SPDYA: variants seen among roughly 807,000 people sequenced by gnomAD.
SPDYA encodes the protein speedy protein A.
A neutral mutation model predicts 36.7 loss-of-function variants in SPDYA; 11 were observed. That is an observed-to-expected ratio of 0.30 (90% CI 0.19 to 0.50). The LOEUF (loss-of-function observed/expected upper bound fraction) is 0.50, where lower values mean the gene tolerates loss of function less well. Among genes scored for constraint, SPDYA ranks in the 20% least tolerant of loss-of-function variants. The probability of loss-of-function intolerance (pLI) is 0.98; values close to 1 mark genes in which losing one functional copy is unlikely to be tolerated. For missense variants in SPDYA, 287 were observed against 370.9 expected (o/e 0.77, Z 1.86); for synonymous variants, 115 against 118.7 (o/e 0.97, Z 0.20).
At chr2:28,818,440 TAAAAAA>T (rs372056967) in intron 3 of SPDYA, among the ~76,000 whole-genome samples, 1 of 110,012 alleles carries the variant, frequency 9.1e-6, no homozygotes, top group Non-Finnish European at 1.9e-5. Context: ...CCTGTCTCTT[TAAAAAA>T]AAAAAAAAAA....
intron 7 of SPDYA, among the ~76,000 whole-genome samples, chr2:28,846,773 A>ACACACACACACACAC (rs1668888767): frequency 1.4e-5 from 2 of 142,948 alleles, no homozygotes; most frequent in African/African-American, 2.6e-5. Context: ...ACACACACAC[A>ACACACACACACACAC]AAGGGAAGTG....
intron 7 of SPDYA, among the ~76,000 whole-genome samples, chr2:28,847,643 G>A (rs1668912263): frequency 1.3e-5 from 2 of 151,448 alleles, no homozygotes; most frequent in African/African-American, 4.9e-5. Flanking sequence ...GTACTCGGGA[G>A]GCTGAGACCG....
chr2:28,821,636 T>C (rs888109952), intron 4 of SPDYA, among the ~76,000 whole-genome samples: 1 of 152,230 alleles, frequency 6.6e-6, no homozygotes, highest in African/African-American at 2.4e-5. Context: ...CTGTGAAAAC[T>C]TGGTATCACC....
chr2:28,845,417 A>G (rs1339760532), intron 7 of SPDYA, among the ~76,000 whole-genome samples: 1 of 151,848 alleles, frequency 6.6e-6, no homozygotes, highest in African/African-American at 2.4e-5. Flanking sequence ...TGACTTAATG[A>G]TATCTTCAAG....
At position 28,819,062 on chromosome 2, in the gene SPDYA, C is replaced by G. The variant is rs746795797; in HGVS notation, c.250C>G (p.Gln84Glu). The change falls in exon 4 of 8, where the codon CAA (glutamine) becomes GAA (glutamate). Residue 84 changes from glutamine (Q) to glutamate (E), a missense_variant. By Grantham distance (29) the Gln-to-Glu change is conservative (BLOSUM62 2). Coordinates refer to ENST00000334056, the MANE Select transcript of SPDYA (RefSeq NM_182756.4). The part of the protein sequence containing the change: ...FFKLFDDDLI[Q>E]DFLWMDCCCK... Reference sequence around the variant, plus strand: ...TTTTGTTGTAGATGACGATTTAATTCAAGATTTCTTGTGGATGGACTGCTG... The same window carrying G: ...TTTTGTTGTAGATGACGATTTAATTGAAGATTTCTTGTGGATGGACTGCTG... The G allele has an allele frequency of 6.2e-7, 1 of 1,611,002 alleles. No individual in the cohort carries two copies. Among genetic ancestry groups the G allele is most frequent in the Non-Finnish European group, 8.5e-7 (1 of 1,178,564 alleles).
At position 28,824,478 on chromosome 2, in the gene SPDYA, G is replaced by GAA. The variant is rs1180132778; in HGVS notation, c.380+2080_380+2081dup. Among the ~76,000 whole-genome samples the GAA allele has an allele frequency of 1.9e-3, 144 of 77,338 alleles. 1 individual carries two copies. Among genetic ancestry groups the GAA allele is most frequent in the Middle Eastern group, 0.015 (2 of 134 alleles). 50.7% of individuals were successfully genotyped at this position (77,338 alleles called of 152,430 possible). A position where few individuals can be genotyped will look rare whatever the true frequency, so the allele number is the denominator to read the frequency against. On this transcript the variant is annotated intron_variant, in intron 5 of 7. Coordinates refer to ENST00000334056, the MANE Select transcript of SPDYA (RefSeq NM_182756.4). ...GCAACAGAGCAAGATGCTGTCAGGA[G>GAA]AAAAAAAAAAAAACAAAAAAAAAAA...
intron 4 of SPDYA, among the ~76,000 whole-genome samples, chr2:28,819,418 C>A (rs1668077427): frequency 6.6e-6 from 1 of 151,982 alleles, no homozygotes; most frequent in South Asian, 2.1e-4. Context: ...GTGGGAGGAT[C>A]ACTTGAACCC....
chr2:28,819,876 A>T (rs1489669384), intron 4 of SPDYA, among the ~76,000 whole-genome samples: 3 of 41,286 alleles, frequency 7.3e-5, no homozygotes, highest in Non-Finnish European at 9.3e-5. Context: ...ATATATATAT[A>T]TATATATATA....
intron 7 of SPDYA, among the ~76,000 whole-genome samples, chr2:28,841,045 A>C (rs561176273): frequency 4.8e-4 from 71 of 147,124 alleles, no homozygotes; most frequent in African/African-American, 1.8e-3. Flanking sequence ...GGTGATTCTC[A>C]TGCCTCAGCC....
intron 5 of SPDYA, among the ~76,000 whole-genome samples, chr2:28,824,405 G>C (rs891066970): frequency 3.4e-5 from 5 of 146,128 alleles, no homozygotes; most frequent in Admixed American, 2.8e-4. Context: ...TTGAGCCCAG[G>C]AGTTCAAGGC....
chr2:28,837,696 A>C (rs962931590), intron 6 of SPDYA, among the ~76,000 whole-genome samples: 1 of 151,588 alleles, frequency 6.6e-6, no homozygotes, highest in Non-Finnish European at 1.5e-5. Context: ...TAAGTAAAGC[A>C]GCACTCCAGT....
rs754170571 is a variant in SPDYA at position 28,850,087 on chromosome 2, A to G, written c.*146A>G. On this transcript the variant is annotated 3_prime_UTR_variant, in exon 8 of 8. Coordinates refer to ENST00000334056, the MANE Select transcript of SPDYA (RefSeq NM_182756.4). ...TTTCAAAATTATATGTATAAGTTAT[A>G]TAAGTCATAGTAATAGCTAAAAATG... 1.5e-5 allele frequency: 18 copies of G among 1,182,928 alleles called. No individual in the cohort carries two copies. Among genetic ancestry groups the G allele is most frequent in the Admixed American group, 4.5e-5 (2 of 44,938 alleles). The allele number at this position is 1,182,928 out of a possible 1,614,324, so 73.3% of individuals were successfully genotyped here.
At chr2:28,813,033 G>A (rs1392282951) in intron 1 of SPDYA, among the ~76,000 whole-genome samples, 2 of 151,906 alleles carry the variant, frequency 1.3e-5, no homozygotes, top group South Asian at 2.1e-4. Context: ...GTATATCTAA[G>A]TGAAGAGCAA....
chr2:28,846,481 G>T (rs112713651), intron 7 of SPDYA, among the ~76,000 whole-genome samples: 4 of 152,132 alleles, frequency 2.6e-5, no homozygotes, highest in African/African-American at 9.6e-5. Flanking sequence ...TATTTACTGG[G>T]TATAAAAGGT....
chr2:28,827,650 T>C (rs1668365515), intron 5 of SPDYA, among the ~76,000 whole-genome samples: 1 of 152,334 alleles, frequency 6.6e-6, no homozygotes, highest in Non-Finnish European at 1.5e-5. Flanking sequence ...TGGTTTTTTT[T>C]TCTCTGAGTA....
chr2:28,815,948 A>C (rs1340952780), intron 2 of SPDYA, 49 bp from the exon 3 acceptor site: 1 of 1,220,220 alleles, frequency 8.2e-7, no homozygotes. Flanking sequence ...AGTTGTTTAT[A>C]TATGAAATGA....
chr2:28,829,353 T>C, intron 6 of SPDYA, 34 bp downstream of exon 6: 1 of 1,573,166 alleles, frequency 6.4e-7, no homozygotes, highest in Non-Finnish European at 8.6e-7. Context: ...ATATGTAATC[T>C]TTGTTTTCTG....
chr2:28,812,469 A>AAAAGAAAGAAAG (rs70956046), intron 1 of SPDYA, among the ~76,000 whole-genome samples: 7 of 149,158 alleles, frequency 4.7e-5, no homozygotes, highest in African/African-American at 1.7e-4. Flanking sequence ...TACCAAAAAA[A>AAAAGAAAGAAAG]AAAGAAAGAA....
intron 4 of SPDYA, among the ~76,000 whole-genome samples, chr2:28,820,541 G>A (rs1296983074): frequency 6.6e-6 from 1 of 151,698 alleles, no homozygotes; most frequent in East Asian, 1.9e-4. Context: ...AGCCGAGACC[G>A]AGCCACTGCA....
Sources: gnomAD v4.1 joint callset for allele counts (sites outside exome capture counted in the v4.1 genomes callset) on GRCh38, gnomAD v4.1.1 for gene constraint, MANE v1.5 for transcripts, NCBI Gene and HGNC (gene_info 2026-07-23, HGNC 2026-07-21) for gene names.